The following UNC5C variants were observed in gnomAD, a reference collection of about 807,000 sequenced individuals.
UNC5C encodes the protein netrin receptor UNC5C.
In UNC5C, 47 loss-of-function variants were observed where a neutral mutation model predicts 99.8. The observed-to-expected ratio is 0.47, with a 90% confidence interval of 0.37 to 0.60. The LOEUF (loss-of-function observed/expected upper bound fraction) is 0.60. UNC5C is among the 20% of genes least tolerant of loss of function. The pLI is 0.00. For synonymous variants in UNC5C, 487 were observed against 452.2 expected (o/e 1.08, Z -0.98); for missense variants, 1,062 against 1,165.9 (o/e 0.91, Z 1.30).
chr4:95,184,042 A>G (rs1175859160), intron 13 of UNC5C, among the ~76,000 whole-genome samples: 5 of 152,208 alleles, frequency 3.3e-5, no homozygotes, highest in Admixed American at 2.6e-4. Context: ...AATTACTCCT[A>G]AAACAGGGAG....
intron 7 of UNC5C, 93 bp from the exon 8 acceptor site, chr4:95,220,269 C>T: frequency 1.7e-6 from 2 of 1,172,678 alleles, no homozygotes; most frequent in African/African-American, 3.1e-5. Context: ...ACATTTACTG[C>T]CTTTTTTATA....
intron 7 of UNC5C, among the ~76,000 whole-genome samples, chr4:95,223,962 G>C (rs1738572514): frequency 6.6e-6 from 1 of 152,158 alleles, no homozygotes; most frequent in African/African-American, 2.4e-5. Flanking sequence ...CAAATGCTAT[G>C]ATGCTCATCC....
intron 3 of UNC5C, among the ~76,000 whole-genome samples, chr4:95,281,894 A>G (rs1201065448): frequency 6.6e-6 from 1 of 152,178 alleles, no homozygotes; most frequent in Admixed American, 6.5e-5. Flanking sequence ...ATAGCAGGAT[A>G]CTTGGCAACA....
chr4:95,505,390 G>T (rs1180774650), intron 1 of UNC5C, among the ~76,000 whole-genome samples: 1 of 152,014 alleles, frequency 6.6e-6, no homozygotes, highest in Admixed American at 6.6e-5. Flanking sequence ...ATTTTGCAAG[G>T]CTCTCAAAGC....
intron 7 of UNC5C, among the ~76,000 whole-genome samples, chr4:95,228,771 C>T (rs1738788521): frequency 6.6e-6 from 1 of 152,206 alleles, no homozygotes. Context: ...CTGATTTGGA[C>T]TGTAAAATAT....
intron 10 of UNC5C, among the ~76,000 whole-genome samples, chr4:95,209,602 G>C (rs1342168918): frequency 6.6e-6 from 1 of 152,064 alleles, no homozygotes. Context: ...AGGTACTTGG[G>C]AATGTACTTA....
At chr4:95,430,174 T>C (rs1012082865) in intron 1 of UNC5C, among the ~76,000 whole-genome samples, 1 of 152,092 alleles carries the variant, frequency 6.6e-6, no homozygotes, top group Non-Finnish European at 1.5e-5. Flanking sequence ...TCGATAATGA[T>C]GTGTCAATGT....
At chr4:95,250,792 A>G (rs1343898203) in intron 4 of UNC5C, 125 bp from the exon 5 acceptor site, 1 of 934,352 alleles carries the variant, frequency 1.1e-6, no homozygotes, top group East Asian at 2.5e-5. Context: ...TGTGTTTTGT[A>G]ATATGTACAA....
At chr4:95,213,570 A>G (rs967222665) in intron 10 of UNC5C, among the ~76,000 whole-genome samples, 1 of 152,224 alleles carries the variant, frequency 6.6e-6, no homozygotes, top group Non-Finnish European at 1.5e-5. Flanking sequence ...CCCTCTTGTC[A>G]CATTCACTAT....
intron 1 of UNC5C, among the ~76,000 whole-genome samples, chr4:95,464,166 C>G (rs4529060): frequency 6.6e-6 from 1 of 151,846 alleles, no homozygotes; most frequent in African/African-American, 2.4e-5. Flanking sequence ...CCAATAAAAT[C>G]GATTTGGAAA....
At position 95,274,123 on chromosome 4, in the gene UNC5C, A is replaced by C. The variant is rs370288071; in HGVS notation, c.594+4136T>G. Among the ~76,000 whole-genome samples the C allele has an allele frequency of 3.5e-4, 54 of 152,318 alleles. 1 individual carries two copies. The highest frequency in any genetic ancestry group is 1.3e-3 in the African/African-American group (54 of 41,558). ...AGCTTGTCAGGCAAGAAGAAGAGTA[A>C]ACAGATAAATTTCAATACAATCGGT... On this transcript the variant is annotated intron_variant, in intron 4 of 15. Transcript: ENST00000453304.
At chr4:95,326,853 AC>A (rs1742902096) in intron 2 of UNC5C, among the ~76,000 whole-genome samples, 1 of 152,134 alleles carries the variant, frequency 6.6e-6, no homozygotes, top group Admixed American at 6.6e-5. Flanking sequence ...ATATGAAGTT[AC>A]CTTTGATAGA....
intron 1 of UNC5C, among the ~76,000 whole-genome samples, chr4:95,366,297 T>G (rs1371309027): frequency 6.6e-6 from 1 of 152,112 alleles, no homozygotes; most frequent in Admixed American, 6.6e-5. Context: ...GACCTCCATC[T>G]CAAAAATAAA....
intron 4 of UNC5C, among the ~76,000 whole-genome samples, chr4:95,262,367 T>A (rs772153572): frequency 2.6e-5 from 4 of 152,216 alleles, no homozygotes; most frequent in Non-Finnish European, 5.9e-5. Flanking sequence ...TGTTACAACA[T>A]AAGTCCACGT....
intron 6 of UNC5C, 97 bp downstream of exon 6, chr4:95,244,880 A>G: frequency 6.1e-6 from 9 of 1,476,772 alleles, no homozygotes; most frequent in Non-Finnish European, 8.4e-6. Context: ...CGTTCATCAC[A>G]CATTCAGATC....
At chr4:95,270,544 A>G (rs1399245536) in intron 4 of UNC5C, among the ~76,000 whole-genome samples, 3 of 152,224 alleles carry the variant, frequency 2.0e-5, no homozygotes, top group Admixed American at 2.0e-4. Flanking sequence ...CTGCTGGGGA[A>G]ACACTCTCTT....
chr4:95,466,037 G>A (rs549484468), intron 1 of UNC5C, among the ~76,000 whole-genome samples: 45 of 152,306 alleles, frequency 3.0e-4, no homozygotes, highest in Non-Finnish European at 5.4e-4. Flanking sequence ...ACAGCAATAA[G>A]TATGTGTTTC....
intron 7 of UNC5C, 59 bp downstream of exon 7, chr4:95,242,370 C>T (rs575654229): frequency 6.3e-7 from 1 of 1,595,674 alleles, no homozygotes; most frequent in Admixed American, 1.8e-5. Context: ...CCTTAAAAAA[C>T]TCCAAATGGT....
At chr4:95,459,116 G>T (rs982186870) in intron 1 of UNC5C, among the ~76,000 whole-genome samples, 1 of 152,018 alleles carries the variant, frequency 6.6e-6, no homozygotes. Context: ...AGAACATAAA[G>T]TTACAAGGAA....
Sources: gnomAD v4.1 joint callset for allele counts (sites outside exome capture counted in the v4.1 genomes callset) on GRCh38, gnomAD v4.1.1 for gene constraint, MANE v1.5 for transcripts, NCBI Gene and HGNC (gene_info 2026-07-23, HGNC 2026-07-21) for gene names.